The following COPS5 variants were observed in gnomAD, a reference collection of about 807,000 sequenced individuals.
The protein encoded by COPS5 is COP9 signalosome subunit 5, also known as COP9 signalosome complex subunit 5.
A neutral mutation model predicts 44.4 loss-of-function variants in COPS5; 8 were observed. That is an observed-to-expected ratio of 0.18 (90% confidence interval 0.11 to 0.32). The LOEUF (loss-of-function observed/expected upper bound fraction) is 0.32. Ranked by LOEUF, COPS5 falls within the 10% of genes least tolerant of loss-of-function variation. The probability of loss-of-function intolerance (pLI) is 1.00; values close to 1 mark genes in which losing one functional copy is unlikely to be tolerated. For missense variants in COPS5, 159 were observed against 406.4 expected (o/e 0.39, Z 5.23); for synonymous variants, 122 against 142.8 (o/e 0.85, Z 1.04).
intron 5 of COPS5, 113 bp downstream of exon 5, chr8:67,056,406 G>A: frequency 2.7e-6 from 1 of 367,494 alleles, no homozygotes; most frequent in Non-Finnish European, 5.3e-6. Context: ...TGTTGCCCAG[G>A]CTAGTGTCGA....
At position 67,062,058 on chromosome 8, in the gene COPS5, T is replaced by G; in HGVS notation, c.-62A>C. Reference sequence around the variant, plus strand: ...AAGACGCAACTTTACCTCGCTAGGTTTCCGGGTGTGGGCCTTGACCCTCCG... The same window carrying G: ...AAGACGCAACTTTACCTCGCTAGGTGTCCGGGTGTGGGCCTTGACCCTCCG... On this transcript the variant is annotated 5_prime_UTR_variant, in exon 1 of 8. Coordinates refer to ENST00000357849, the MANE Select transcript of COPS5 (RefSeq NM_006837.3). 6.2e-7 allele frequency: 1 copy of G among 1,611,736 alleles called. No homozygotes were observed. The highest frequency in any genetic ancestry group is 1.1e-5 in the South Asian group (1 of 90,916).
intron 6 of COPS5, among the ~76,000 whole-genome samples, chr8:67,048,715 C>CAA (rs377157256): frequency 1.9e-3 from 121 of 63,684 alleles, no homozygotes; most frequent in Non-Finnish European, 2.6e-3. Context: ...GACTCCATCT[C>CAA]AAAAAAAAAA....
intron 4 of COPS5, 90 bp downstream of exon 4, chr8:67,057,287 TGTA>T (rs1267836730): frequency 3.4e-5 from 25 of 730,312 alleles, no homozygotes; most frequent in Non-Finnish European, 5.3e-5. Flanking sequence ...CGATGAAGGC[TGTA>T]GTACACTATG....
At chr8:67,057,722 A>G (rs939939282) in intron 3 of COPS5, among the ~76,000 whole-genome samples, 1 of 152,192 alleles carries the variant, frequency 6.6e-6, no homozygotes, top group Non-Finnish European at 1.5e-5. Flanking sequence ...TAAGAGGTGA[A>G]TAACTCCTAC....
chr8:67,061,964 T>C lies in COPS5; in HGVS notation c.33A>G (p.Lys11=), dbSNP rs780648580. ...GCATGTTGTTGGCCAGTTCCCAGGT[T>C]TTCTGGGCCATACCGCTCCCGGACG... The part of the protein sequence containing the change: MAASGSGMAQ[K]TWELANNMQE... Residue 11 remains lysine, a synonymous_variant, in exon 1 of 8, where the codon AAA becomes AAG. Coordinates refer to ENST00000357849, the MANE Select transcript of COPS5 (RefSeq NM_006837.3). The C allele has an allele frequency of 6.2e-7, 1 of 1,614,218 alleles. No homozygotes were observed. The highest frequency in any genetic ancestry group is 1.1e-5 in the South Asian group (1 of 91,090).
chr8:67,059,155 A>C (rs1257527812), intron 2 of COPS5, 56 bp downstream of exon 2: 1 of 1,269,800 alleles, frequency 7.9e-7, no homozygotes, highest in Non-Finnish European at 1.1e-6. Context: ...GAAACTCAAA[A>C]GTCACCTTGA....
intron 6 of COPS5, among the ~76,000 whole-genome samples, chr8:67,048,893 T>G (rs572685198): frequency 6.6e-6 from 1 of 152,234 alleles, no homozygotes; most frequent in Non-Finnish European, 1.5e-5. Flanking sequence ...CTTAATGATG[T>G]ATGTAGCATA....
intron 5 of COPS5, among the ~76,000 whole-genome samples, chr8:67,052,869 G>A (rs1804439847): frequency 6.6e-6 from 1 of 151,690 alleles, no homozygotes; most frequent in South Asian, 2.1e-4. Flanking sequence ...AGATACCCGG[G>A]ACTCTTGGAA....
intron 2 of COPS5, among the ~76,000 whole-genome samples, chr8:67,058,587 T>C (rs2129538006): frequency 6.6e-6 from 1 of 152,306 alleles, no homozygotes; most frequent in South Asian, 2.1e-4. Context: ...AGTCCACTGA[T>C]GGATATACCA....
At chr8:67,046,111 A>G in intron 6 of COPS5, 151 bp from the exon 7 acceptor site, 1 of 751,686 alleles carries the variant, frequency 1.3e-6, no homozygotes, top group South Asian at 2.1e-5. Context: ...TGAGGAGAGA[A>G]GTCAAATTAC....
chr8:67,051,254 C>T lies in COPS5; in HGVS notation c.747G>A (p.Thr249=), dbSNP rs751941822. The T allele has an allele frequency of 2.8e-5, 45 of 1,608,262 alleles. No homozygotes were observed. Among genetic ancestry groups the T allele is most frequent in the South Asian group, 8.8e-5 (8 of 90,970 alleles). Residue 249 remains threonine, a synonymous_variant, in exon 6 of 8, where the codon ACG becomes ACA. Transcript: ENST00000357849. The part of the protein sequence containing the change: ...ELLWNKYWVN[T]LSSSSLLTNA... ...CAGTAAGCAAGCTAGAAGAACTCAA[C>T]GTATTCACCCAGTATTTATTCCACA...
chr8:67,052,837 A>AG (rs1401847098), intron 5 of COPS5, among the ~76,000 whole-genome samples: 4 of 151,200 alleles, frequency 2.6e-5, no homozygotes, highest in Non-Finnish European at 5.9e-5. Context: ...AAAAAAAAAA[A>AG]GAAATTTAAA....
chr8:67,051,374 A>C (rs745792228), intron 5 of COPS5, 33 bp from the exon 6 acceptor site: 14 of 1,273,544 alleles, frequency 1.1e-5, no homozygotes, highest in Non-Finnish European at 1.6e-5. Context: ...TTAGTAAGTA[A>C]AAAAAAAAAT....
At chr8:67,046,573 C>T (rs1011688941) in intron 6 of COPS5, among the ~76,000 whole-genome samples, 1 of 152,000 alleles carries the variant, frequency 6.6e-6, no homozygotes, top group African/African-American at 2.4e-5. Context: ...GTAATCCCAG[C>T]ATTTTGAGAG....
At chr8:67,051,180 A>G in intron 6 of COPS5, 50 bp downstream of exon 6, 1 of 1,184,526 alleles carries the variant, frequency 8.4e-7, no homozygotes, top group Non-Finnish European at 1.3e-6. Flanking sequence ...TTAAACGGCT[A>G]TGAAGCTTAG....
At chr8:67,050,062 G>A (rs1001126563) in intron 6 of COPS5, among the ~76,000 whole-genome samples, 9 of 148,544 alleles carry the variant, frequency 6.1e-5, no homozygotes, top group Admixed American at 2.0e-4. Context: ...GTGCAGTAGC[G>A]CGATCTCGGC....
chr8:67,059,298 A>G lies in COPS5; in HGVS notation c.291T>C (p.Ala97=). The G allele has an allele frequency of 6.2e-7, 1 of 1,614,200 alleles. No homozygotes were observed. The highest frequency in any genetic ancestry group is 1.1e-5 in the South Asian group (1 of 91,086). ...GGGTTTCAGTGCCCTCCACAGGCAAAGCAAAACTGTCCATAATGATCATGG... is the reference window on the plus strand; with the variant it reads ...GGGTTTCAGTGCCCTCCACAGGCAAGGCAAAACTGTCCATAATGATCATGG... ...GETMIIMDSF[A]LPVEGTETRV... Residue 97 remains alanine, a synonymous_variant, in exon 2 of 8, where the codon GCT becomes GCC. Transcript: ENST00000357849.
chr8:67,060,541 C>A (rs1244943423), intron 1 of COPS5: 3 of 1,282,996 alleles, frequency 2.3e-6, no homozygotes, highest in Non-Finnish European at 2.0e-6. Context: ...TGGCTTCTCC[C>A]TTTACTGGAG....
At chr8:67,046,174 C>T (rs1034018462) in intron 6 of COPS5, among the ~76,000 whole-genome samples, 4 of 152,174 alleles carry the variant, frequency 2.6e-5, no homozygotes, top group African/African-American at 9.7e-5. Context: ...TAGATGTTTT[C>T]CCTTTTATAA....
Sources: allele counts gnomAD v4.1 joint callset (sites outside exome capture counted in the v4.1 genomes callset), GRCh38; gene constraint gnomAD v4.1.1; transcripts MANE v1.5; gene names NCBI Gene and HGNC (gene_info 2026-07-23, HGNC 2026-07-21).